The following CPQ variants were observed in gnomAD, a reference collection of about 807,000 sequenced individuals.
CPQ encodes the protein Ser-Met dipeptidase.
Under a neutral mutation model 45.7 loss-of-function variants are expected in CPQ, and 37 were observed. That is an observed-to-expected ratio of 0.81 (90% CI 0.62 to 1.07). The LOEUF is 1.07. Among genes scored for constraint, CPQ ranks in the 50% least tolerant of loss-of-function variants. The pLI is 0.00. For missense variants in CPQ, 537 were observed against 572.9 expected (o/e 0.94, Z 0.64); for synonymous variants, 186 against 205.8 (o/e 0.90, Z 0.82).
intron 4 of CPQ, among the ~76,000 whole-genome samples, chr8:96,936,439 A>G (rs894194601): frequency 6.6e-6 from 1 of 152,218 alleles, no homozygotes; most frequent in African/African-American, 2.4e-5. Context: ...TGCTTTAAAT[A>G]CCACAGAATT....
At chr8:96,947,685 T>C (rs1010718888) in intron 4 of CPQ, among the ~76,000 whole-genome samples, 4 of 152,102 alleles carry the variant, frequency 2.6e-5, no homozygotes, top group Admixed American at 6.6e-5. Flanking sequence ...CAAAAATGCA[T>C]TTTAAAACTT....
At chr8:97,020,893 A>G (rs1208066248) in intron 5 of CPQ, among the ~76,000 whole-genome samples, 2 of 152,120 alleles carry the variant, frequency 1.3e-5, no homozygotes, top group Non-Finnish European at 2.9e-5. Context: ...CCACCCTAAT[A>G]CCAAAACCAG....
intron 3 of CPQ, among the ~76,000 whole-genome samples, chr8:96,876,201 G>A (rs935479963): frequency 6.6e-5 from 10 of 151,768 alleles, no homozygotes; most frequent in Admixed American, 3.9e-4. Context: ...AGTTCTAATC[G>A]TTTTGTGTGT....
intron 7 of CPQ, among the ~76,000 whole-genome samples, chr8:97,113,524 T>C (rs549151808): frequency 1.3e-5 from 2 of 152,330 alleles, no homozygotes; most frequent in African/African-American, 4.8e-5. Flanking sequence ...GTGGACTGAA[T>C]CCTCAGTTTG....
chr8:96,693,294 G>T (rs1025064100), intron 1 of CPQ, among the ~76,000 whole-genome samples: 25 of 151,846 alleles, frequency 1.6e-4, no homozygotes, highest in African/African-American at 5.8e-4. Context: ...AGGGTAGAAA[G>T]TTCATTGAAA....
chr8:96,864,818 GAT>G (rs1811976095), intron 3 of CPQ, among the ~76,000 whole-genome samples: 1 of 152,098 alleles, frequency 6.6e-6, no homozygotes, highest in African/African-American at 2.4e-5. Context: ...TAGGATGGGG[GAT>G]GGGGCACAGC....
At chr8:96,772,422 G>T (rs544410973) in intron 1 of CPQ, among the ~76,000 whole-genome samples, 156 of 152,246 alleles carry the variant, frequency 1.0e-3, no homozygotes, top group African/African-American at 3.6e-3. Flanking sequence ...ACTCTTGACG[G>T]GGTATGGATG....
intron 5 of CPQ, among the ~76,000 whole-genome samples, chr8:97,017,144 A>G (rs763595410): frequency 1.5e-4 from 23 of 152,160 alleles, no homozygotes; most frequent in Non-Finnish European, 3.2e-4. Flanking sequence ...CCCACTGGAG[A>G]GGGAACCTGA....
At chr8:97,096,066 T>C (rs1811206347) in intron 7 of CPQ, among the ~76,000 whole-genome samples, 1 of 152,118 alleles carries the variant, frequency 6.6e-6, no homozygotes, top group Admixed American at 6.6e-5. Flanking sequence ...ATGATGATGA[T>C]GATGATGATG....
chr8:96,681,364 A>G (rs1240770610), intron 1 of CPQ, among the ~76,000 whole-genome samples: 1 of 152,176 alleles, frequency 6.6e-6, no homozygotes, highest in East Asian at 1.9e-4. Context: ...AGCCATGGCT[A>G]AAAGGGGCCA....
rs1810626484 is a variant in CPQ at position 97,065,857 on chromosome 8, A to G, written c.1054-152A>G. On this transcript the variant is annotated intron_variant, in intron 6 of 7. Coordinates refer to ENST00000220763, the MANE Select transcript of CPQ (RefSeq NM_016134.4). Reference sequence around the variant, plus strand: ...TTGTGCATCTCAGAATGGTTAGATAATATGCAGAGCAGACCTTAAGTCAGG... The same window carrying G: ...TTGTGCATCTCAGAATGGTTAGATAGTATGCAGAGCAGACCTTAAGTCAGG... 6 of 712,526 alleles carry G rather than the reference A, an allele frequency of 8.4e-6. No individual in the cohort carries two copies. The East Asian group carries it at 1.4e-4, about 17-fold the overall frequency. The allele number at this position is 712,526 out of a possible 1,614,324, so 44.1% of individuals were successfully genotyped here.
intron 3 of CPQ, among the ~76,000 whole-genome samples, chr8:96,875,795 A>G (rs1209629323): frequency 1.3e-5 from 2 of 151,930 alleles, no homozygotes; most frequent in Admixed American, 6.6e-5. Flanking sequence ...TGATTTCCAT[A>G]TGAATTTTAT....
At chr8:97,119,443 TA>T (rs34411965) in intron 7 of CPQ, among the ~76,000 whole-genome samples, 374 of 143,828 alleles carry the variant, frequency 2.6e-3, no homozygotes, top group Middle Eastern at 3.7e-3. Flanking sequence ...TCTTACACTG[TA>T]AAAAAAAAAA....
intron 5 of CPQ, among the ~76,000 whole-genome samples, chr8:96,993,707 A>C (rs1442803791): frequency 6.6e-6 from 1 of 152,158 alleles, no homozygotes; most frequent in African/African-American, 2.4e-5. Context: ...CAATATTTAC[A>C]ATATATTGGT....
At chr8:96,902,981 T>C (rs766596839) in intron 4 of CPQ, among the ~76,000 whole-genome samples, 16 of 152,182 alleles carry the variant, frequency 1.1e-4, no homozygotes, top group East Asian at 1.9e-4. Flanking sequence ...CGTCTCTTTG[T>C]GGCTTAGTGT....
At chr8:96,812,633 T>A (rs1811172536) in intron 2 of CPQ, among the ~76,000 whole-genome samples, 1 of 151,688 alleles carries the variant, frequency 6.6e-6, no homozygotes, top group South Asian at 2.1e-4. Context: ...AATGATAGAG[T>A]GGTTAGAAGA....
intron 1 of CPQ, among the ~76,000 whole-genome samples, chr8:96,694,446 A>G (rs1809344740): frequency 6.6e-6 from 1 of 152,194 alleles, no homozygotes; most frequent in Admixed American, 6.6e-5. Flanking sequence ...TTTACAGAAC[A>G]TTTTATCCAA....
intron 4 of CPQ, among the ~76,000 whole-genome samples, chr8:96,931,577 G>T (rs1335250474): frequency 2.0e-5 from 3 of 152,142 alleles, no homozygotes; most frequent in Non-Finnish European, 4.4e-5. Context: ...GAGCAGGAAG[G>T]ATGACCACTA....
At chr8:97,087,426 C>A (rs2130560675) in intron 7 of CPQ, among the ~76,000 whole-genome samples, 1 of 152,310 alleles carries the variant, frequency 6.6e-6, no homozygotes, top group East Asian at 1.9e-4. Flanking sequence ...GGGCTTTCCC[C>A]TCTGCCTAAT....
Sources: allele counts gnomAD v4.1 joint callset (sites outside exome capture counted in the v4.1 genomes callset), GRCh38; gene constraint gnomAD v4.1.1; transcripts MANE v1.5; gene names NCBI Gene and HGNC (gene_info 2026-07-23, HGNC 2026-07-21).